Variants in CACNA1E observed in about 807,000 individuals in gnomAD.
CACNA1E encodes voltage-dependent R-type calcium channel subunit alpha-1E.
Under a neutral mutation model 259.2 loss-of-function variants are expected in CACNA1E, and 40 were observed. That is an observed-to-expected ratio of 0.15 (90% CI 0.12 to 0.20). The LOEUF is 0.20. Among genes scored for constraint, CACNA1E ranks in the 10% least tolerant of loss-of-function variants. The probability of loss-of-function intolerance (pLI) is 1.00; values close to 1 mark genes in which losing one functional copy is unlikely to be tolerated. For missense variants in CACNA1E, 1,874 were observed against 3,040.1 expected (o/e 0.62, Z 9.02); for synonymous variants, 1,104 against 1,138.5 (o/e 0.97, Z 0.61).
intron 2 of CACNA1E, among the ~76,000 whole-genome samples, chr1:181,430,704 A>G (rs1327283242): frequency 6.6e-6 from 1 of 152,180 alleles, no homozygotes; most frequent in African/African-American, 2.4e-5. Context: ...TTGATTTTTC[A>G]GGCTGTCTTT....
chr1:181,548,008 T>C (rs553230561), intron 3 of CACNA1E, among the ~76,000 whole-genome samples: 8 of 152,366 alleles, frequency 5.3e-5, no homozygotes, highest in Admixed American at 3.9e-4. Context: ...TTAGTTGTGA[T>C]GAAGACCTGT....
chr1:181,623,296 TAC>T (rs1332255555), intron 6 of CACNA1E, among the ~76,000 whole-genome samples: 1 of 152,342 alleles, frequency 6.6e-6, no homozygotes, highest in East Asian at 1.9e-4. Flanking sequence ...ATCTTTAATG[TAC>T]ACATATACAT....
At chr1:181,769,491 G>A (rs913423279) in intron 35 of CACNA1E, among the ~76,000 whole-genome samples, 1 of 148,462 alleles carries the variant, frequency 6.7e-6, no homozygotes, top group Non-Finnish European at 1.5e-5. Context: ...GCCCAGGCTT[G>A]TCTTGAACTC....
intron 1 of CACNA1E, among the ~76,000 whole-genome samples, chr1:181,391,024 A>G (rs777986114): frequency 1.2e-4 from 18 of 152,092 alleles, no homozygotes; most frequent in Non-Finnish European, 2.2e-4. Context: ...GTTATCACCA[A>G]TTCTCTCCTT....
chr1:181,648,539 T>C (rs1022598910), intron 6 of CACNA1E, among the ~76,000 whole-genome samples: 2 of 152,238 alleles, frequency 1.3e-5, no homozygotes, highest in African/African-American at 4.8e-5. Context: ...ATAATGTTCT[T>C]TTTTTGTGGA....
intron 7 of CACNA1E, among the ~76,000 whole-genome samples, chr1:181,664,261 T>C (rs1442558921): frequency 6.6e-6 from 1 of 152,206 alleles, no homozygotes; most frequent in Non-Finnish European, 1.5e-5. Flanking sequence ...GGACCTTTGC[T>C]GCTCAGCTTC....
At chr1:181,450,936 T>C (rs1661118145) in intron 2 of CACNA1E, among the ~76,000 whole-genome samples, 1 of 152,086 alleles carries the variant, frequency 6.6e-6, no homozygotes, top group African/African-American at 2.4e-5. Flanking sequence ...AGTAGGACTT[T>C]GTGATTGAAG....
intron 6 of CACNA1E, among the ~76,000 whole-genome samples, chr1:181,589,196 G>A (rs968305882): frequency 2.0e-5 from 3 of 152,318 alleles, no homozygotes; most frequent in East Asian, 3.9e-4. Context: ...CTGAGGCCAC[G>A]CTGAAGTTTG....
At chr1:181,754,958 G>A (rs1414343746) in intron 27 of CACNA1E, among the ~76,000 whole-genome samples, 1 of 152,188 alleles carries the variant, frequency 6.6e-6, no homozygotes, top group Non-Finnish European at 1.5e-5. Context: ...ACAGAGGACC[G>A]CATTCCTTGC....
At chr1:181,547,151 C>A (rs4651108) in intron 3 of CACNA1E, among the ~76,000 whole-genome samples, 2,204 of 152,284 alleles carry the variant, frequency 0.014, 69 homozygotes, top group East Asian at 0.14. Flanking sequence ...TTCCCATTGC[C>A]CCCTCTGCCC....
chr1:181,563,734 T>C (rs1194519884), intron 3 of CACNA1E, among the ~76,000 whole-genome samples: 2 of 152,204 alleles, frequency 1.3e-5, no homozygotes, highest in African/African-American at 4.8e-5. Context: ...ATTGGTATAC[T>C]GGCTCCATGC....
intron 7 of CACNA1E, among the ~76,000 whole-genome samples, chr1:181,681,659 C>A (rs1189909374): frequency 6.6e-6 from 1 of 152,172 alleles, no homozygotes; most frequent in Non-Finnish European, 1.5e-5. Context: ...TAAATCACAT[C>A]AAGTCATTGG....
chr1:181,590,414 AAAAT>A (rs1471811172), intron 6 of CACNA1E, among the ~76,000 whole-genome samples: 83 of 125,716 alleles, frequency 6.6e-4, no homozygotes, highest in African/African-American at 1.9e-3. Flanking sequence ...AAAAAAAAAA[AAAAT>A]ATATATATAT....
intron 2 of CACNA1E, among the ~76,000 whole-genome samples, chr1:181,464,900 C>CT (rs889140960): frequency 2.6e-5 from 4 of 151,994 alleles, no homozygotes; most frequent in East Asian, 1.9e-4. Context: ...AATTTAGTTC[C>CT]TTTTTTGTGT....
chr1:181,754,079 C>T (rs1023263600), intron 27 of CACNA1E, among the ~76,000 whole-genome samples: 3 of 152,190 alleles, frequency 2.0e-5, no homozygotes, highest in South Asian at 2.1e-4. Context: ...ACACACAGAG[C>T]GTGGCCAGGC....
At chr1:181,409,970 A>C (rs1239920359) in intron 1 of CACNA1E, among the ~76,000 whole-genome samples, 1 of 152,122 alleles carries the variant, frequency 6.6e-6, no homozygotes, top group Non-Finnish European at 1.5e-5. Flanking sequence ...AGAGGTGGGG[A>C]GCCAGGTACT....
chr1:181,587,709 C>T (rs987473258), intron 6 of CACNA1E, among the ~76,000 whole-genome samples: 1 of 151,952 alleles, frequency 6.6e-6, no homozygotes, highest in African/African-American at 2.4e-5. Flanking sequence ...CGGTGAAACC[C>T]CGTCTCTACT....
At chr1:181,568,511 C>T (rs1203612828) in intron 3 of CACNA1E, among the ~76,000 whole-genome samples, 1 of 152,170 alleles carries the variant, frequency 6.6e-6, no homozygotes, top group African/African-American at 2.4e-5. Context: ...TGAACACTGC[C>T]AGGCTTGGTC....
At chr1:181,451,299 G>T (rs1661139134) in intron 2 of CACNA1E, among the ~76,000 whole-genome samples, 1 of 152,216 alleles carries the variant, frequency 6.6e-6, no homozygotes, top group South Asian at 2.1e-4. Flanking sequence ...TGCCATACCA[G>T]ATCAATATTT....
Sources: allele counts gnomAD v4.1 joint callset (sites outside exome capture counted in the v4.1 genomes callset), GRCh38; gene constraint gnomAD v4.1.1; transcripts MANE v1.5; gene names NCBI Gene and HGNC (gene_info 2026-07-23, HGNC 2026-07-21).